SETDB1: variants seen among roughly 807,000 people sequenced by gnomAD.
SETDB1 encodes histone-lysine N-methyltransferase SETDB1.
In SETDB1, 31 loss-of-function variants were observed where a neutral mutation model predicts 137.4. That is an observed-to-expected ratio of 0.23 (90% CI 0.17 to 0.30). The LOEUF (loss-of-function observed/expected upper bound fraction) is 0.30. SETDB1 is among the 10% of genes least tolerant of loss of function. The pLI, the probability that SETDB1 is intolerant of heterozygous loss-of-function variation, is 1.00. For synonymous variants in SETDB1, 548 were observed against 579.9 expected (o/e 0.95, Z 0.79); for missense variants, 1,113 against 1,631.5 (o/e 0.68, Z 5.47).
intron 15 of SETDB1, 83 bp from the exon 16 acceptor site, chr1:150,960,480 A>G (rs1338780246): frequency 2.5e-5 from 24 of 944,258 alleles, no homozygotes; most frequent in South Asian, 6.2e-5. Context: ...CCATCTGGAA[A>G]AAAAAAAAAA....
chr1:150,944,015 C>G, intron 8 of SETDB1, 22 bp downstream of exon 8: 1 of 1,532,872 alleles, frequency 6.5e-7, no homozygotes, highest in East Asian at 2.2e-5. Context: ...TCCCTTATTC[C>G]TTAGCTCAGT....
At chr1:150,931,281 AG>A (rs587766808) in intron 3 of SETDB1, among the ~76,000 whole-genome samples, 38 of 142,954 alleles carry the variant, frequency 2.7e-4, no homozygotes, top group Middle Eastern at 3.7e-3. Flanking sequence ...AAAAAAAAAA[AG>A]GGTTTCCAGA....
intron 1 of SETDB1, 77 bp from the exon 2 acceptor site, chr1:150,927,627 A>G: frequency 7.5e-7 from 1 of 1,334,938 alleles, no homozygotes; most frequent in Non-Finnish European, 1.0e-6. Context: ...AATTAGTTTT[A>G]TTAGGGAACT....
chr1:150,957,771 A>G (rs1670689884), intron 14 of SETDB1, among the ~76,000 whole-genome samples: 1 of 152,148 alleles, frequency 6.6e-6, no homozygotes, highest in South Asian at 2.1e-4. Context: ...TGGTATGATC[A>G]TAGCTCACTG....
intron 3 of SETDB1, among the ~76,000 whole-genome samples, chr1:150,934,044 A>C (rs1669868868): frequency 6.6e-6 from 1 of 151,676 alleles, no homozygotes; most frequent in African/African-American, 2.4e-5. Flanking sequence ...CGGCTTCCCA[A>C]AGTGCTAGGA....
chr1:150,963,957 TC>T (rs756464793), intron 20 of SETDB1, 37 bp from the exon 21 acceptor site: 1 of 1,582,258 alleles, frequency 6.3e-7, no homozygotes, highest in South Asian at 1.1e-5. Context: ...AGGTTCAGTT[TC>T]CCTGGTTCTT....
In SETDB1 at chr1:150,949,492, C is replaced by G; in HGVS notation, c.1550C>G (p.Ser517Cys). 3 of 1,614,122 alleles carry G rather than the reference C, an allele frequency of 1.9e-6. No individual in the cohort carries two copies. Among genetic ancestry groups the G allele is most frequent in the Non-Finnish European group, 2.5e-6 (3 of 1,180,022 alleles). ...TCTCCTGCACTCAGTGAAAATGTCT[C>G]TGGTGGGAAACCTGGGATCAACCAG... ...PTSPALSENV[S>C]GGKPGINQTY... The change falls in exon 12 of 22, where the codon TCT becomes TGT. Residue 517 changes from serine to cysteine, a missense_variant. Ser to Cys is a moderately radical substitution (Grantham distance 112). Coordinates refer to ENST00000692827, the MANE Select transcript of SETDB1 (RefSeq NM_001366418.1).
In SETDB1 at chr1:150,951,696, G is replaced by A. The variant is rs1048034368; in HGVS notation, c.2333+215G>A. ...AATGAAGACATAGAATGATTGAATA[G>A]TATCTAGCAATTTTCTGTTGCAAAA... On this transcript the variant is annotated intron_variant, in intron 14 of 21. Transcript: ENST00000692827. Among the ~76,000 whole-genome samples, 60 of 152,232 alleles carry A rather than the reference G, an allele frequency of 3.9e-4. 1 individual carries two copies. The highest frequency in any genetic ancestry group is 1.9e-3 in the South Asian group (9 of 4,826).
At chr1:150,943,877 A>T in intron 7 of SETDB1, 43 bp from the exon 8 acceptor site, 1 of 1,221,948 alleles carries the variant, frequency 8.2e-7, no homozygotes, top group South Asian at 1.2e-5. Context: ...CATGTTAAAT[A>T]TCATAACCCC....
intron 14 of SETDB1, among the ~76,000 whole-genome samples, chr1:150,953,074 G>A (rs1330587406): frequency 2.0e-5 from 3 of 152,192 alleles, no homozygotes; most frequent in Non-Finnish European, 2.9e-5. Context: ...CGGCTCAGGA[G>A]TAAGCCCTGG....
chr1:150,963,396 A>G (rs2280627), intron 19 of SETDB1, 134 bp from the exon 20 acceptor site: 343,937 of 854,298 alleles, frequency 0.4, 72,751 homozygotes, highest in African/African-American at 0.56. Context: ...GCTACTTAGG[A>G]TCTTTGAGTT....
intron 16 of SETDB1, 49 bp downstream of exon 16, chr1:150,961,240 A>C (rs773701447): frequency 6.4e-7 from 1 of 1,571,596 alleles, no homozygotes; most frequent in East Asian, 2.3e-5. Flanking sequence ...ACTTTGGTGC[A>C]GTAACAATGC....
At chr1:150,962,030 C>CAG in intron 16 of SETDB1, 100 bp from the exon 17 acceptor site, 2 of 1,387,094 alleles carry the variant, frequency 1.4e-6, no homozygotes, top group Non-Finnish European at 2.1e-6. Flanking sequence ...GTGTACCTGT[C>CAG]ACTGGCTGAT....
chr1:150,934,427 C>T (rs187511200), intron 3 of SETDB1, among the ~76,000 whole-genome samples: 12 of 152,156 alleles, frequency 7.9e-5, no homozygotes, highest in Admixed American at 2.6e-4. Context: ...GAGCCAAGAT[C>T]GCACCGCTGC....
At chr1:150,956,894 G>A (rs1344494404) in intron 14 of SETDB1, among the ~76,000 whole-genome samples, 3 of 152,068 alleles carry the variant, frequency 2.0e-5, no homozygotes, top group African/African-American at 7.2e-5. Context: ...GTGGGGGGAT[G>A]GCTTGAGTTC....
rs143617150 is a variant in SETDB1 at position 150,956,656 on chromosome 1, G to A, written c.2334-2522G>A. On this transcript the variant is annotated intron_variant, in intron 14 of 21. Transcript: ENST00000692827. ...CTGAGTTTGTAAAATTCATTGATCTGTATAGACTTACGTGTACTTTCCTCT... is the reference window on the plus strand; with the variant it reads ...CTGAGTTTGTAAAATTCATTGATCTATATAGACTTACGTGTACTTTCCTCT... Among the ~76,000 whole-genome samples the A allele has an allele frequency of 4.6e-5, 7 of 152,126 alleles. No homozygotes were observed. In the East Asian group the frequency reaches 9.6e-4, roughly 21 times the overall value.
intron 8 of SETDB1, 109 bp from the exon 9 acceptor site, chr1:150,944,809 T>G: frequency 7.7e-7 from 1 of 1,296,182 alleles, no homozygotes; most frequent in South Asian, 1.5e-5. Flanking sequence ...TGATTTTACT[T>G]TTTCTCTCCT....
chr1:150,953,556 C>CGGTG (rs1459574643), intron 14 of SETDB1, among the ~76,000 whole-genome samples: 1 of 149,458 alleles, frequency 6.7e-6, no homozygotes, highest in African/African-American at 2.5e-5. Flanking sequence ...TGGCCATGCG[C>CGGTG]GGTGGCTCAT....
intron 3 of SETDB1, among the ~76,000 whole-genome samples, chr1:150,933,926 G>C (rs904731653): frequency 6.6e-6 from 1 of 151,132 alleles, no homozygotes; most frequent in Admixed American, 6.6e-5. Context: ...TGGGATTACA[G>C]GCATGCACCA....
Sources: gnomAD v4.1 joint callset for allele counts (sites outside exome capture counted in the v4.1 genomes callset) on GRCh38, gnomAD v4.1.1 for gene constraint, MANE v1.5 for transcripts, NCBI Gene and HGNC (gene_info 2026-07-23, HGNC 2026-07-21) for gene names.